Variants in FARP1 observed in about 807,000 individuals in gnomAD.
FARP1 encodes FERM, ARHGEF and pleckstrin domain-containing protein 1.
A neutral mutation model predicts 128.8 loss-of-function variants in FARP1; 52 were observed. That is an observed-to-expected ratio of 0.40 (90% CI 0.32 to 0.51). The LOEUF (loss-of-function observed/expected upper bound fraction) is 0.51, where lower values mean the gene tolerates loss of function less well. FARP1 is among the 20% of genes least tolerant of loss of function. FARP1 has a pLI of 0.45. For missense variants in FARP1, 1,333 were observed against 1,367.9 expected, an observed-to-expected ratio of 0.97 and a Z score of 0.40; for synonymous variants, 580 against 551.8, an observed-to-expected ratio of 1.05 and a Z score of -0.72.
intron 1 of FARP1, among the ~76,000 whole-genome samples, chr13:98,198,412 A>G (rs1257744870): frequency 6.6e-6 from 1 of 152,196 alleles, no homozygotes; most frequent in African/African-American, 2.4e-5. Context: ...TTATTAAGCA[A>G]TACAAAGACA....
chr13:98,159,971 A>G (rs1876764330), intron 1 of FARP1, among the ~76,000 whole-genome samples: 1 of 152,148 alleles, frequency 6.6e-6, no homozygotes, highest in African/African-American at 2.4e-5. Context: ...TTGTAGTACA[A>G]TTTTGTTTTC....
chr13:98,153,254 A>T (rs972325231), intron 1 of FARP1, among the ~76,000 whole-genome samples: 4 of 137,466 alleles, frequency 2.9e-5, no homozygotes, highest in East Asian at 2.3e-4. Context: ...AGAAAAGTTA[A>T]GTGATGTAAT....
At chr13:98,439,718 C>T (rs145354748) in intron 21 of FARP1, among the ~76,000 whole-genome samples, 70 of 152,316 alleles carry the variant, frequency 4.6e-4, no homozygotes, top group Middle Eastern at 3.4e-3. Flanking sequence ...CGCTGTCCTC[C>T]GGGATTGGAG....
At chr13:98,339,927 C>G (rs1887895137) in intron 2 of FARP1, among the ~76,000 whole-genome samples, 1 of 152,098 alleles carries the variant, frequency 6.6e-6, no homozygotes, top group South Asian at 2.1e-4. Context: ...GGTTCTAGGA[C>G]TCAACACGCC....
chr13:98,305,644 C>T (rs1594379606), intron 2 of FARP1, among the ~76,000 whole-genome samples: 2 of 152,228 alleles, frequency 1.3e-5, no homozygotes, highest in African/African-American at 4.8e-5. Context: ...TGAGAATTTC[C>T]TTAATGTGAA....
chr13:98,298,900 A>G (rs1885810748), intron 2 of FARP1, among the ~76,000 whole-genome samples: 1 of 152,224 alleles, frequency 6.6e-6, no homozygotes, highest in African/African-American at 2.4e-5. Context: ...TTGGTCATTT[A>G]CTAACATTGT....
chr13:98,339,848 AATC>A (rs1479693233), intron 2 of FARP1, among the ~76,000 whole-genome samples: 2 of 152,202 alleles, frequency 1.3e-5, no homozygotes, highest in Non-Finnish European at 2.9e-5. Flanking sequence ...GCAGCTAGTT[AATC>A]ATCATCGTTT....
At chr13:98,192,090 A>T (rs1481209885) in intron 1 of FARP1, among the ~76,000 whole-genome samples, 3 of 16,994 alleles carry the variant, frequency 1.8e-4, no homozygotes, top group African/African-American at 3.0e-4. Flanking sequence ...TAAATTCTTT[A>T]AAAAAAAAAC....
At position 98,435,579 on chromosome 13, in the gene FARP1, C is replaced by G; in HGVS notation, c.2147C>G (p.Ala716Gly). 1 of 1,611,312 alleles carries G rather than the reference C, an allele frequency of 6.2e-7. No homozygotes were observed. The highest frequency in any genetic ancestry group is 8.5e-7 in the Non-Finnish European group (1 of 1,178,404). Residue 716 changes from alanine to glycine, a missense_variant, in exon 19 of 27, where the codon GCT (alanine) becomes GGT (glycine). This residue lies in a region of FARP1 where 1,009 missense variants were observed against 969.8 expected (regional missense o/e 1.04). Coordinates refer to ENST00000319562, the MANE Select transcript of FARP1 (RefSeq NM_005766.4). ...SHADFRDCRA[A>G]LAEITEMVAQ... is the part of the protein sequence containing the mutation. ...TGTGTATGTCTTTCCTTCACAGCCGCTTTGGCAGAGATCACGGAGATGGTG... is the reference window on the plus strand; with the variant it reads ...TGTGTATGTCTTTCCTTCACAGCCGGTTTGGCAGAGATCACGGAGATGGTG...
intron 2 of FARP1, chr13:98,244,786 G>T: frequency 6.3e-7 from 1 of 1,578,780 alleles, no homozygotes; most frequent in South Asian, 1.2e-5. Context: ...ATTCAAAGGT[G>T]ACATTAACAC....
intron 17 of FARP1, among the ~76,000 whole-genome samples, chr13:98,428,792 C>G (rs1187238034): frequency 6.6e-5 from 10 of 152,220 alleles, no homozygotes; most frequent in African/African-American, 2.4e-4. Flanking sequence ...TGGACACCCA[C>G]TGTGTATGCC....
intron 24 of FARP1, among the ~76,000 whole-genome samples, chr13:98,443,914 G>A (rs989174575): frequency 7.0e-4 from 5 of 7,108 alleles, no homozygotes; most frequent in Non-Finnish European, 2.3e-3. Flanking sequence ...AGGGAGTGGC[G>A]GGCACGGGGG....
chr13:98,193,247 A>G (rs1879357153), intron 1 of FARP1, among the ~76,000 whole-genome samples: 1 of 152,096 alleles, frequency 6.6e-6, no homozygotes, highest in African/African-American at 2.4e-5. Flanking sequence ...TAGTAGAGAC[A>G]GGGTTTCACC....
chr13:98,447,101 G>A (rs1892895510), intron 26 of FARP1: 1 of 364,656 alleles, frequency 2.7e-6, no homozygotes. Context: ...ATGAAGCTAA[G>A]CCCCAGTGAG....
chr13:98,361,317 C>A (rs1225993074), intron 3 of FARP1, among the ~76,000 whole-genome samples: 1 of 152,208 alleles, frequency 6.6e-6, no homozygotes, highest in Non-Finnish European at 1.5e-5. Context: ...ATTACCCAGG[C>A]CCATCTTGTG....
At chr13:98,418,357 C>T (rs879340938) in intron 16 of FARP1, among the ~76,000 whole-genome samples, 4 of 152,102 alleles carry the variant, frequency 2.6e-5, no homozygotes, top group Non-Finnish European at 5.9e-5. Context: ...TCACTGCAAC[C>T]TCCGTCTCCC....
At chr13:98,165,683 A>G (rs1397571300) in intron 1 of FARP1, among the ~76,000 whole-genome samples, 1 of 144,216 alleles carries the variant, frequency 6.9e-6, no homozygotes, top group Admixed American at 7.0e-5. Flanking sequence ...CATCATTAAA[A>G]AAAAAAAAAA....
chr13:98,207,515 G>A (rs1880341810), intron 1 of FARP1, among the ~76,000 whole-genome samples: 1 of 151,988 alleles, frequency 6.6e-6, no homozygotes, highest in Admixed American at 6.6e-5. Flanking sequence ...AGGTGGGAGA[G>A]TAGAGCCCTT....
intron 1 of FARP1, among the ~76,000 whole-genome samples, chr13:98,186,744 C>T (rs780175438): frequency 6.6e-6 from 1 of 151,938 alleles, no homozygotes; most frequent in Non-Finnish European, 1.5e-5. Flanking sequence ...GTAATCCCAG[C>T]ACTTTGGGAG....
Sources: allele counts gnomAD v4.1 joint callset (sites outside exome capture counted in the v4.1 genomes callset), GRCh38; gene constraint gnomAD v4.1.1; regional missense constraint gnomAD v4.1.1; transcripts MANE v1.5; gene names NCBI Gene and HGNC (gene_info 2026-07-23, HGNC 2026-07-21).